PRICKLE1: variants seen among roughly 807,000 people sequenced by gnomAD.
The protein encoded by PRICKLE1 is prickle planar cell polarity protein 1.
In PRICKLE1, 14 loss-of-function variants were observed where a neutral mutation model predicts 70.2. That is an observed-to-expected ratio of 0.20 (90% CI 0.13 to 0.31). The LOEUF (loss-of-function observed/expected upper bound fraction) is 0.31, where lower values mean the gene tolerates loss of function less well. Ranked by LOEUF, PRICKLE1 falls within the 10% of genes least tolerant of loss-of-function variation. PRICKLE1 has a pLI of 1.00. For missense variants in PRICKLE1, 821 were observed against 1,026.2 expected (o/e 0.80, Z 2.73); for synonymous variants, 357 against 379.9 (o/e 0.94, Z 0.70).
rs60450733 is a variant in PRICKLE1 at position 42,561,905 on chromosome 12, CTTTTT to C, written c.-49+27555_-49+27559del. Among the ~76,000 whole-genome samples, 732 of 87,230 alleles carry C rather than the reference CTTTTT, an allele frequency of 8.4e-3. 6 individuals are homozygous for C. The highest frequency in any genetic ancestry group is 0.03 in the African/African-American group (707 of 23,506). The allele number at this position is 87,230 out of a possible 152,430, so 57.2% of individuals were successfully genotyped here. A position where few individuals can be genotyped will look rare whatever the true frequency, so the allele number is the denominator to read the frequency against. On this transcript the variant is annotated intron_variant, in intron 1 of 7. Transcript: ENST00000345127. Reference sequence around the variant, plus strand: ...GTTCCACTAATTTTCTTTTTCTTTTCTTTTTTTTTTTTTTTTTTTTTTTCCAGACA... The same window carrying C: ...GTTCCACTAATTTTCTTTTTCTTTTCTTTTTTTTTTTTTTTTTTCCAGACA...
chr12:42,471,749 AAGTTAATC>A (rs1478383886), intron 2 of PRICKLE1, among the ~76,000 whole-genome samples: 3 of 152,218 alleles, frequency 2.0e-5, no homozygotes, highest in African/African-American at 7.2e-5. Context: ...GATTTTCAAC[AAGTTAATC>A]ATTGTAAAGA....
chr12:42,461,132 C>T (rs1484154628), intron 7 of PRICKLE1, among the ~76,000 whole-genome samples: 1 of 152,162 alleles, frequency 6.6e-6, no homozygotes, highest in Non-Finnish European at 1.5e-5. Context: ...CCACCCACCT[C>T]GGCCTCCCAC....
chr12:42,494,838 T>A (rs1373860298), intron 1 of PRICKLE1, among the ~76,000 whole-genome samples: 2 of 149,174 alleles, frequency 1.3e-5, no homozygotes, highest in Non-Finnish European at 1.5e-5. Flanking sequence ...ATTCCTCGTC[T>A]GATAAAATTC....
chr12:42,555,148 C>CA (rs966416996), intron 1 of PRICKLE1, among the ~76,000 whole-genome samples: 1 of 151,936 alleles, frequency 6.6e-6, no homozygotes, highest in Non-Finnish European at 1.5e-5. Context: ...ACTAAAAATA[C>CA]AAAAAATTAG....
chr12:42,564,180 C>T (rs1047398952), intron 1 of PRICKLE1, among the ~76,000 whole-genome samples: 39 of 139,896 alleles, frequency 2.8e-4, no homozygotes, highest in Admixed American at 1.5e-3. Flanking sequence ...ATCGTGAACC[C>T]GGGAGGTGGA....
At chr12:42,496,072 TC>T (rs1939196528) in intron 1 of PRICKLE1, among the ~76,000 whole-genome samples, 1 of 152,234 alleles carries the variant, frequency 6.6e-6, no homozygotes, top group Non-Finnish European at 1.5e-5. Flanking sequence ...GGAATCATTA[TC>T]TATGGCAGTT....
intron 1 of PRICKLE1, 38 bp from the exon 2 acceptor site, chr12:42,472,602 C>G: frequency 6.5e-7 from 1 of 1,543,926 alleles, no homozygotes; most frequent in South Asian, 1.1e-5. Flanking sequence ...ACATCTAAAA[C>G]CTGAATGCAT....
chr12:42,549,661 T>C (rs1236229050), intron 1 of PRICKLE1, among the ~76,000 whole-genome samples: 1 of 152,208 alleles, frequency 6.6e-6, no homozygotes, highest in Non-Finnish European at 1.5e-5. Context: ...GTGTAATAGA[T>C]GGCTCACTTA....
chr12:42,512,403 A>C (rs1295401218), intron 1 of PRICKLE1, among the ~76,000 whole-genome samples: 2 of 152,052 alleles, frequency 1.3e-5, no homozygotes, highest in Non-Finnish European at 2.9e-5. Flanking sequence ...TGAACTGCTG[A>C]CCTTAAAAGC....
intron 1 of PRICKLE1, among the ~76,000 whole-genome samples, chr12:42,533,116 T>C (rs1245549287): frequency 6.6e-6 from 1 of 152,056 alleles, no homozygotes; most frequent in Non-Finnish European, 1.5e-5. Context: ...TATTTCTAAT[T>C]GTATGCTTTA....
In PRICKLE1 at chr12:42,525,517, T is replaced by C. The variant is rs1262384207; in HGVS notation, c.-48-52953A>G. Among the ~76,000 whole-genome samples, 3 of 152,180 alleles carry C rather than the reference T, an allele frequency of 2.0e-5. No individual in the cohort carries two copies. The East Asian group carries it at 5.8e-4, about 29-fold the overall frequency. ...GGGCCTGAGCCCTTAACCTATGGGA[T>C]CTGCTGTTCTCTCCAGGTAGCAGGA... On this transcript the variant is annotated intron_variant, in intron 1 of 7. Transcript: ENST00000345127.
chr12:42,547,565 T>A (rs1391604216), intron 1 of PRICKLE1, among the ~76,000 whole-genome samples: 1 of 152,186 alleles, frequency 6.6e-6, no homozygotes, highest in Admixed American at 6.5e-5. Context: ...AGTTTTCCTA[T>A]CTGTAAAATG....
chr12:42,560,660 C>T (rs1457268661), intron 1 of PRICKLE1, among the ~76,000 whole-genome samples: 2 of 152,034 alleles, frequency 1.3e-5, no homozygotes, highest in Non-Finnish European at 2.9e-5. Flanking sequence ...AACCCTATCT[C>T]ACATATGGCT....
At chr12:42,542,480 G>A (rs956506464) in intron 1 of PRICKLE1, among the ~76,000 whole-genome samples, 5 of 151,906 alleles carry the variant, frequency 3.3e-5, no homozygotes, top group African/African-American at 7.3e-5. Flanking sequence ...GTGAAACTCC[G>A]TCTCTACTAA....
At chr12:42,484,084 A>T (rs1459757610) in intron 1 of PRICKLE1, 1 of 135,900 alleles carries the variant, frequency 7.4e-6, no homozygotes, top group Admixed American at 7.4e-5. Flanking sequence ...CCGCCCTTCG[A>T]TCCCAGCCGG....
intron 1 of PRICKLE1, among the ~76,000 whole-genome samples, chr12:42,576,209 C>T (rs772944478): frequency 1.1e-4 from 17 of 152,294 alleles, no homozygotes; most frequent in South Asian, 2.1e-4. Flanking sequence ...GCAATTTCTC[C>T]TTACTTTTCA....
intron 1 of PRICKLE1, among the ~76,000 whole-genome samples, chr12:42,486,654 G>A (rs1451772046): frequency 3.3e-5 from 5 of 152,148 alleles, no homozygotes; most frequent in Non-Finnish European, 7.4e-5. Flanking sequence ...GCTAATCCCT[G>A]GTTCTTCCAT....
intron 1 of PRICKLE1, among the ~76,000 whole-genome samples, chr12:42,558,107 A>G (rs1472638045): frequency 1.3e-5 from 2 of 152,202 alleles, no homozygotes; most frequent in African/African-American, 4.8e-5. Flanking sequence ...GCCACCTACT[A>G]GAAATGTGTT....
intron 1 of PRICKLE1, among the ~76,000 whole-genome samples, chr12:42,528,989 G>A (rs372435968): frequency 1.3e-5 from 2 of 152,084 alleles, no homozygotes; most frequent in Non-Finnish European, 2.9e-5. Flanking sequence ...CTAAGGGAAG[G>A]CTCCCTTGAA....
Sources: allele counts gnomAD v4.1 joint callset (sites outside exome capture counted in the v4.1 genomes callset), GRCh38; gene constraint gnomAD v4.1.1; transcripts MANE v1.5; gene names NCBI Gene and HGNC (gene_info 2026-07-23, HGNC 2026-07-21).